TIGD1: variants seen among roughly 807,000 people sequenced by gnomAD.
TIGD1 encodes the protein tigger transposable element-derived protein 1.
In TIGD1, 20 loss-of-function variants were observed where a neutral mutation model predicts 21.3. The ratio of observed to expected loss-of-function variants is 0.94; its 90% CI spans 0.66 to 1.36. TIGD1 has a LOEUF of 1.36. Ranked by LOEUF, TIGD1 falls within the 40% of genes most tolerant of loss-of-function variation. The probability of loss-of-function intolerance (pLI) is 0.00; values close to 1 mark genes in which losing one functional copy is unlikely to be tolerated. For synonymous variants in TIGD1, 177 were observed against 123.2 expected, an observed-to-expected ratio of 1.44 and a Z score of -2.89; for missense variants, 556 against 350.5, an observed-to-expected ratio of 1.59 and a Z score of -4.68.
chr2:232,548,967 T>G lies in TIGD1; in HGVS notation c.916A>C (p.Ser306Arg), dbSNP rs891548383. 4.3e-6 allele frequency: 3 copies of G among 690,558 alleles called. No individual in the cohort carries two copies. Among genetic ancestry groups the G allele is most frequent in the Non-Finnish European group, 5.3e-6 (2 of 376,512 alleles). The allele number at this position is 690,558 out of a possible 1,614,324, so 42.8% of individuals were successfully genotyped here. ...ATCTCCATCAGAGCTCTTGGATGAC[T>G]AGGGGCATTGTCAATGAGCAGTAAT... ...KILLLIDNAP[S>R]HPRALMEIYE... The change falls in exon 1 of 1, where the codon AGT (serine) becomes CGT (arginine). Residue 306 changes from serine to arginine, a missense_variant. Transcript: ENST00000408957.
chr2:232,545,797 G>T lies in TIGD1; in HGVS notation c.*2310C>A. 1 of 1,482,016 alleles carries T rather than the reference G, an allele frequency of 6.7e-7. No homozygotes were observed. Among genetic ancestry groups the T allele is most frequent in the Non-Finnish European group, 9.4e-7 (1 of 1,064,738 alleles). 91.8% of individuals were successfully genotyped at this position (1,482,016 alleles called of 1,614,324 possible). A position where few individuals can be genotyped will look rare whatever the true frequency, so the allele number is the denominator to read the frequency against. On this transcript the variant is annotated 3_prime_UTR_variant, in exon 1 of 1. Coordinates refer to ENST00000408957, the MANE Select transcript of TIGD1 (RefSeq NM_145702.4). ...TTATCAGCCACGTTCTCCTACTGAG[G>T]TCCTAAGTGTGCTCTTTGGGAAGTG...
At position 232,545,769 on chromosome 2, in the gene TIGD1, G is replaced by T. The variant is rs962602943; in HGVS notation, c.*2338C>A. On this transcript the variant is annotated 3_prime_UTR_variant, in exon 1 of 1. Transcript: ENST00000408957. ...GAGTCACACACGTGGGTCACACTGA[G>T]TCTTATCAGCCACGTTCTCCTACTG... 1.0e-5 allele frequency: 16 copies of T among 1,591,856 alleles called. No individual in the cohort carries two copies. In the Admixed American group the frequency reaches 2.5e-4, roughly 25 times the overall value.
At position 232,544,935 on chromosome 2, in the gene TIGD1, T is replaced by C. The variant is rs1398001971; in HGVS notation, c.*3172A>G. 2.5e-6 allele frequency: 4 copies of C among 1,612,150 alleles called. No individual in the cohort carries two copies. In the East Asian group the frequency reaches 8.9e-5, roughly 36 times the overall value. On this transcript the variant is annotated 3_prime_UTR_variant, in exon 1 of 1. Coordinates refer to ENST00000408957, the MANE Select transcript of TIGD1 (RefSeq NM_145702.4). ...GAGTCAGGGTGGGGTGGAGGTGGAG[T>C]GAGTACCTGGGCTTGGAACCGTGAT...
At position 232,549,217 on chromosome 2, in the gene TIGD1, C is replaced by A. The variant is rs1393820223; in HGVS notation, c.666G>T (p.Leu222Phe). The A allele has an allele frequency of 5.8e-6, 4 of 685,670 alleles. No homozygotes were observed. The highest frequency in any genetic ancestry group is 1.1e-5 in the Non-Finnish European group (4 of 375,706). The allele number at this position is 685,670 out of a possible 1,614,324, so 42.5% of individuals were successfully genotyped here. ...AGTCACCAGCTGCATTAGCCCCTAA[C>A]AAGAGAGTCAGCCTGTCCTTTGAAG... ...FKASKDRLTLLLGANAAGDFK... is the reference protein window; with the variant it reads ...FKASKDRLTLFLGANAAGDFK... Residue 222 changes from leucine (L) to phenylalanine (F), a missense_variant, in exon 1 of 1, where the codon TTG (leucine) becomes TTT (phenylalanine). By Grantham distance (22) the Leu-to-Phe change is conservative. Transcript: ENST00000408957.
rs774121021 is a variant in TIGD1, at chr2:232,544,476, C to T, written c.*3631G>A. ...CTACAGAATGGCTCCTCGGGATGGT[C>T]GATCACAACTGGGGAGGAGGTGGCC... On this transcript the variant is annotated 3_prime_UTR_variant, in exon 1 of 1. Coordinates refer to ENST00000408957, the MANE Select transcript of TIGD1 (RefSeq NM_145702.4). 1.3e-4 allele frequency: 206 copies of T among 1,613,590 alleles called. No individual in the cohort carries two copies. Among genetic ancestry groups the T allele is most frequent in the Non-Finnish European group, 1.6e-4 (185 of 1,179,982 alleles).
chr2:232,548,161 C>T lies in TIGD1; in HGVS notation c.1722G>A (p.Ser574=), dbSNP rs377463072. Residue 574 remains serine (S), a synonymous_variant, in exon 1 of 1, where the codon TCG becomes TCA. Transcript: ENST00000408957. ...TTLTSQQPST[S]RQDPPPAKRV... ...TTTTTGCTGGTGGAGGGTCTTGCCT[C>T]GAGGTTGATGGTTGCTGACTGGTCA... 5.9e-4 allele frequency: 813 copies of T among 1,369,968 alleles called. No individual in the cohort carries two copies. Among genetic ancestry groups the T allele is most frequent in the Middle Eastern group, 1.4e-3 (8 of 5,582 alleles). The allele number at this position is 1,369,968 out of a possible 1,614,324, so 84.9% of individuals were successfully genotyped here.
Position 232,545,921 on chromosome 2 carries a change from C to G in TIGD1, c.*2186G>C. 1.5e-6 allele frequency: 1 copy of G among 663,722 alleles called. No homozygotes were observed. Among genetic ancestry groups the G allele is most frequent in the Non-Finnish European group, 2.7e-6 (1 of 369,220 alleles). 41.1% of individuals were successfully genotyped at this position (663,722 alleles called of 1,614,324 possible). A position where few individuals can be genotyped will look rare whatever the true frequency, so the allele number is the denominator to read the frequency against. On this transcript the variant is annotated 3_prime_UTR_variant, in exon 1 of 1. Transcript: ENST00000408957. ...GTTGGGGGTGGGCCGTGGCTAGTGT[C>G]CTGCTGCAGTCAGCACACACGTGGG...
Position 232,546,984 on chromosome 2 carries a change from G to C in TIGD1, c.*1123C>G, listed in dbSNP as rs1300424419. Among the ~76,000 whole-genome samples the C allele has an allele frequency of 6.6e-6, 1 of 151,876 alleles. No individual in the cohort carries two copies. The highest frequency in any genetic ancestry group is 2.4e-5 in the African/African-American group (1 of 41,328). ...GTAGTAAGGCTGGGGTCTTCCTGGG[G>C]GAGAGGCAAGGTCCTGCTCTGAGAT... is the stretch of plus-strand genomic sequence containing the variant. On this transcript the variant is annotated 3_prime_UTR_variant, in exon 1 of 1. Transcript: ENST00000408957.
chr2:232,544,524 T>A lies in TIGD1; in HGVS notation c.*3583A>T, dbSNP rs770113355. On this transcript the variant is annotated 3_prime_UTR_variant, in exon 1 of 1. Transcript: ENST00000408957. ...GCCCTCTGCCTGCCTCGCAGTGAAC[T>A]CCTCTTCCAGCAGTGGCAGCGGCAA... is the stretch of plus-strand genomic sequence containing the variant. The A allele has an allele frequency of 5.0e-6, 8 of 1,613,634 alleles. No homozygotes were observed. The East Asian group carries it at 1.8e-4, about 36-fold the overall frequency.
Position 232,544,578 on chromosome 2 carries a change from T to C in TIGD1, c.*3529A>G, listed in dbSNP as rs1024466309. 6.2e-7 allele frequency: 1 copy of C among 1,611,880 alleles called. No homozygotes were observed. Among genetic ancestry groups the C allele is most frequent in the African/African-American group, 1.3e-5 (1 of 74,844 alleles). On this transcript the variant is annotated 3_prime_UTR_variant, in exon 1 of 1. Transcript: ENST00000408957. ...CTGGTGGCGGCAGCGCTGGAGAAGC[T>C]AGGTGAGACACACCAGGTGTGCCTG...
chr2:232,548,455 T>C lies in TIGD1; in HGVS notation c.1428A>G (p.Thr476=), dbSNP rs1224536506. The change falls in exon 1 of 1, where the codon ACA becomes ACG. Residue 476 remains threonine, a synonymous_variant. Coordinates refer to ENST00000408957, the MANE Select transcript of TIGD1 (RefSeq NM_145702.4). ...CAATGTTCACAGCATCTTCACCAGG[T>C]GTAGATTCCATCTCAAGAAACCACT... ...QRKWFLEMES[T]PGEDAVNIVE... The C allele has an allele frequency of 1.4e-6, 1 of 697,512 alleles. No individual in the cohort carries two copies. Among genetic ancestry groups the C allele is most frequent in the Non-Finnish European group, 2.5e-6 (1 of 395,936 alleles). 43.2% of individuals were successfully genotyped at this position (697,512 alleles called of 1,614,324 possible). A position where few individuals can be genotyped will look rare whatever the true frequency, so the allele number is the denominator to read the frequency against.
In TIGD1 at chr2:232,544,597, G is replaced by A; in HGVS notation, c.*3510C>T. The A allele has an allele frequency of 1.2e-6, 2 of 1,606,750 alleles. No individual in the cohort carries two copies. Among genetic ancestry groups the A allele is most frequent in the Non-Finnish European group, 1.7e-6 (2 of 1,174,412 alleles). ...AGAAGCTAGGTGAGACACACCAGGT[G>A]TGCCTGGGGACAGTCCTCCCCTGGG... On this transcript the variant is annotated 3_prime_UTR_variant, in exon 1 of 1. Coordinates refer to ENST00000408957, the MANE Select transcript of TIGD1 (RefSeq NM_145702.4).
Position 232,550,244 on chromosome 2 carries a change from G to C in TIGD1, c.-362C>G, listed in dbSNP as rs1692253006. 1 of 292,190 alleles carries C rather than the reference G, an allele frequency of 3.4e-6. No individual in the cohort carries two copies. The highest frequency in any genetic ancestry group is 2.2e-5 in the African/African-American group (1 of 45,492). The allele number at this position is 292,190 out of a possible 1,614,324, so 18.1% of individuals were successfully genotyped here. A position where few individuals can be genotyped will look rare whatever the true frequency, so the allele number is the denominator to read the frequency against. On this transcript the variant is annotated 5_prime_UTR_variant, in exon 1 of 1. Coordinates refer to ENST00000408957, the MANE Select transcript of TIGD1 (RefSeq NM_145702.4). ...GCCACAAACCCTCCATTTGTTTTCA[G>C]AATGCCCTATCTGCGAAGCGTAATA... is the stretch of plus-strand genomic sequence containing the variant.
Position 232,549,859 on chromosome 2 carries a change from T to A in TIGD1, c.24A>T (p.Glu8Asp), listed in dbSNP as rs1289203981. The part of the protein sequence containing the change: MASKCSS[E>D]RKSRTSLTLN... ...AAGTGAGAGATGTGCGACTCTTCCT[T>A]TCACTTGAGCACTTAGAGGCCATTG... is the stretch of plus-strand genomic sequence containing the variant. The change falls in exon 1 of 1, where the codon GAA becomes GAT. Residue 8 changes from glutamate (E) to aspartate (D), a missense_variant. Physicochemically the swap from Glu to Asp is conservative, Grantham distance 45 (BLOSUM62 2). Transcript: ENST00000408957. 6.6e-7 allele frequency: 1 copy of A among 1,517,198 alleles called. No homozygotes were observed. Among genetic ancestry groups the A allele is most frequent in the Middle Eastern group, 2.3e-4 (1 of 4,344 alleles). The allele number at this position is 1,517,198 out of a possible 1,614,324, so 94.0% of individuals were successfully genotyped here.
chr2:232,546,637 T>G lies in TIGD1; in HGVS notation c.*1470A>C, dbSNP rs556461712. Among the ~76,000 whole-genome samples the G allele has an allele frequency of 6.0e-4, 91 of 152,246 alleles. 1 individual carries two copies. The highest frequency in any genetic ancestry group is 2.0e-3 in the African/African-American group (82 of 41,540). ...CAGGCATAAGCCACTGTACCTGGCC[T>G]CCTTTTTAATTAAGAGCTCCTCACA... On this transcript the variant is annotated 3_prime_UTR_variant, in exon 1 of 1. Coordinates refer to ENST00000408957, the MANE Select transcript of TIGD1 (RefSeq NM_145702.4).
In TIGD1 at chr2:232,545,453, T is replaced by C. The variant is rs1475108310; in HGVS notation, c.*2654A>G. 1 of 1,183,966 alleles carries C rather than the reference T, an allele frequency of 8.4e-7. No homozygotes were observed. The highest frequency in any genetic ancestry group is 1.5e-5 in the African/African-American group (1 of 66,104). 73.3% of individuals were successfully genotyped at this position (1,183,966 alleles called of 1,614,324 possible). ...AGAAGGGCCCCAGGAAATGGAGACA[T>C]GGGCCTGCTGGAAGCCCAAGGATGA... On this transcript the variant is annotated 3_prime_UTR_variant, in exon 1 of 1. Transcript: ENST00000408957.
Position 232,549,810 on chromosome 2 carries a change from T to C in TIGD1, c.73A>G (p.Lys25Glu). 1 of 1,546,328 alleles carries C rather than the reference T, an allele frequency of 6.5e-7. No individual in the cohort carries two copies. The highest frequency in any genetic ancestry group is 8.7e-7 in the Non-Finnish European group (1 of 1,144,486). ...LTLNQKLEMI[K>E]LSEEGMSKAE... ...TTTGACATACCTTCCTCACTCAGTTTAATCATTTCTAGTTTTTGATTTAAA... is the reference window on the plus strand; with the variant it reads ...TTTGACATACCTTCCTCACTCAGTTCAATCATTTCTAGTTTTTGATTTAAA... Residue 25 changes from lysine to glutamate, a missense_variant, in exon 1 of 1, where the codon AAA (lysine) becomes GAA (glutamate). By Grantham distance (56) the Lys-to-Glu change is moderately conservative. Coordinates refer to ENST00000408957, the MANE Select transcript of TIGD1 (RefSeq NM_145702.4).
rs1281811577 is a variant in TIGD1 at position 232,549,164 on chromosome 2, T to C, written c.719A>G (p.His240Arg). 8 of 713,900 alleles carry C rather than the reference T, an allele frequency of 1.1e-5. No homozygotes were observed. Among genetic ancestry groups the C allele is most frequent in the Non-Finnish European group, 1.6e-5 (6 of 384,402 alleles). The allele number at this position is 713,900 out of a possible 1,614,324, so 44.2% of individuals were successfully genotyped here. A position where few individuals can be genotyped will look rare whatever the true frequency, so the allele number is the denominator to read the frequency against. Residue 240 changes from histidine to arginine, a missense_variant, in exon 1 of 1, where the codon CAT becomes CGT. Physicochemically the swap from His to Arg is conservative, Grantham distance 29. Coordinates refer to ENST00000408957, the MANE Select transcript of TIGD1 (RefSeq NM_145702.4). ...CTTAAGGGCCCTAGGATTTTCAGAATGGTAAATAAGCATTGGCTTCAACTT... is the reference window on the plus strand; with the variant it reads ...CTTAAGGGCCCTAGGATTTTCAGAACGGTAAATAAGCATTGGCTTCAACTT... Reference protein sequence around the residue: ...DFKLKPMLIYHSENPRALKNY... With the variant: ...DFKLKPMLIYRSENPRALKNY...
chr2:232,550,320 T>C lies in TIGD1; in HGVS notation c.-438A>G, dbSNP rs1692255038. On this transcript the variant is annotated 5_prime_UTR_variant, in exon 1 of 1. Coordinates refer to ENST00000408957, the MANE Select transcript of TIGD1 (RefSeq NM_145702.4). ...GCGCCGCGACCGACAAAGGAAAGCCTCCGGGAGGTCAAAAGAGATACCAGA... is the reference window on the plus strand; with the variant it reads ...GCGCCGCGACCGACAAAGGAAAGCCCCCGGGAGGTCAAAAGAGATACCAGA... 2.9e-6 allele frequency: 1 copy of C among 340,026 alleles called. No homozygotes were observed. Among genetic ancestry groups the C allele is most frequent in the South Asian group, 5.6e-5 (1 of 17,926 alleles). The allele number at this position is 340,026 out of a possible 1,614,324, so 21.1% of individuals were successfully genotyped here.
Sources: gnomAD v4.1 joint callset for allele counts (sites outside exome capture counted in the v4.1 genomes callset) on GRCh38, gnomAD v4.1.1 for gene constraint, MANE v1.5 for transcripts, NCBI Gene and HGNC (gene_info 2026-07-23, HGNC 2026-07-21) for gene names.